DLC1: variants seen among roughly 807,000 people sequenced by gnomAD.
DLC1 encodes rho GTPase-activating protein 7.
DLC1 carries 54 observed loss-of-function variants against 140.3 expected under a neutral mutation model. The ratio of observed to expected loss-of-function variants is 0.38; its 90% CI spans 0.31 to 0.48. The LOEUF is 0.48. DLC1 is among the 20% of genes least tolerant of loss of function. DLC1 has a pLI of 0.96. For missense variants in DLC1, 2,536 were observed against 1,907.0 expected (o/e 1.33, Z -6.14); for synonymous variants, 986 against 728.1 (o/e 1.35, Z -5.70).
At chr8:13,587,660 G>A (rs1046001565) in intron 1 of DLC1, among the ~76,000 whole-genome samples, 17 of 148,344 alleles carry the variant, frequency 1.1e-4, no homozygotes, top group African/African-American at 4.0e-4. Flanking sequence ...TTATATAGGC[G>A]ATGTTAACTG....
intron 5 of DLC1, among the ~76,000 whole-genome samples, chr8:13,151,378 T>G (rs747705586): frequency 4.6e-5 from 7 of 152,158 alleles, no homozygotes; most frequent in Non-Finnish European, 8.8e-5. Context: ...ATATCACCGT[T>G]TTATGGATGA....
At chr8:13,197,702 C>G (rs1469739233) in intron 5 of DLC1, among the ~76,000 whole-genome samples, 1 of 151,696 alleles carries the variant, frequency 6.6e-6, no homozygotes, top group Non-Finnish European at 1.5e-5. Context: ...ATTTTTGTGA[C>G]TAACATTTCC....
At chr8:13,355,440 T>C (rs954884101) in intron 4 of DLC1, among the ~76,000 whole-genome samples, 2 of 152,300 alleles carry the variant, frequency 1.3e-5, no homozygotes, top group South Asian at 4.1e-4. Flanking sequence ...AATTTATTTC[T>C]CACAGTTCTG....
intron 2 of DLC1, among the ~76,000 whole-genome samples, chr8:13,403,951 A>G (rs1837415678): frequency 6.6e-6 from 1 of 151,528 alleles, no homozygotes; most frequent in Admixed American, 6.6e-5. Flanking sequence ...CTTAATGCAT[A>G]TTGTGAATCA....
chr8:13,122,346 G>T (rs974305320), intron 5 of DLC1, among the ~76,000 whole-genome samples: 3 of 152,108 alleles, frequency 2.0e-5, no homozygotes, highest in Non-Finnish European at 4.4e-5. Flanking sequence ...GACGTACCAA[G>T]CTCTCATACC....
chr8:13,100,686 C>G lies in DLC1; in HGVS notation c.1651G>C (p.Glu551Gln). Residue 551 changes from glutamate to glutamine, a missense_variant, in exon 9 of 18, where the codon GAA becomes CAA. Glu to Gln is a conservative substitution (Grantham distance 29, BLOSUM62 2). Transcript: ENST00000276297. ...QRDSKRWSRL[E>Q]EFDVFSPKQD... ...TTTGGAGAAAAGACATCAAACTCTT[C>G]AAGCCGGGACCACCTCTTGCTGTCC... 6.2e-7 allele frequency: 1 copy of G among 1,613,636 alleles called. No homozygotes were observed. The highest frequency in any genetic ancestry group is 2.2e-5 in the East Asian group (1 of 44,860).
At chr8:13,488,728 T>C (rs535092680) in intron 2 of DLC1, among the ~76,000 whole-genome samples, 1 of 152,322 alleles carries the variant, frequency 6.6e-6, no homozygotes, top group African/African-American at 2.4e-5. Flanking sequence ...AAGATATAAC[T>C]TTACTTGTAG....
intron 4 of DLC1, among the ~76,000 whole-genome samples, chr8:13,355,143 T>C (rs1335973226): frequency 6.6e-6 from 1 of 151,184 alleles, no homozygotes; most frequent in Admixed American, 6.6e-5. Context: ...ATAGTCTAAA[T>C]ATTACGATCA....
At chr8:13,142,978 G>A (rs976675060) in intron 5 of DLC1, among the ~76,000 whole-genome samples, 6 of 151,920 alleles carry the variant, frequency 3.9e-5, no homozygotes, top group African/African-American at 1.5e-4. Flanking sequence ...GAACACCAGA[G>A]GTTGCGGTGA....
At chr8:13,583,765 T>G (rs769464417) in intron 1 of DLC1, 1 of 152,248 alleles carries the variant, frequency 6.6e-6, no homozygotes, top group Non-Finnish European at 1.5e-5. Flanking sequence ...GTTCAATGTC[T>G]TTGGAGATGG....
intron 5 of DLC1, among the ~76,000 whole-genome samples, chr8:13,204,115 A>G (rs1382868999): frequency 6.6e-6 from 1 of 152,160 alleles, no homozygotes; most frequent in African/African-American, 2.4e-5. Context: ...CAGGGGGAAA[A>G]AAGACTGTTC....
At chr8:13,166,869 G>A (rs188389700) in intron 5 of DLC1, among the ~76,000 whole-genome samples, 12 of 152,294 alleles carry the variant, frequency 7.9e-5, no homozygotes, top group Admixed American at 2.6e-4. Flanking sequence ...TTTAGAGGAC[G>A]CTGGGAATTG....
intron 4 of DLC1, among the ~76,000 whole-genome samples, chr8:13,305,613 G>A (rs763472923): frequency 4.6e-5 from 7 of 152,166 alleles, no homozygotes; most frequent in Non-Finnish European, 8.8e-5. Flanking sequence ...AGAGACAGGC[G>A]GATCGTTGAG....
At chr8:13,438,036 T>TA (rs1003662433) in intron 2 of DLC1, among the ~76,000 whole-genome samples, 16 of 151,354 alleles carry the variant, frequency 1.1e-4, no homozygotes, top group Admixed American at 3.3e-4. Flanking sequence ...TTTTTTTTTT[T>TA]ACAGTACCAT....
chr8:13,252,846 T>G (rs776106470), intron 5 of DLC1, among the ~76,000 whole-genome samples: 2 of 152,052 alleles, frequency 1.3e-5, no homozygotes, highest in Non-Finnish European at 2.9e-5. Flanking sequence ...GGAAGAAGAG[T>G]GTCTTGACCT....
At chr8:13,544,239 C>A (rs556420314) in intron 1 of DLC1, among the ~76,000 whole-genome samples, 1 of 151,206 alleles carries the variant, frequency 6.6e-6, no homozygotes, top group Admixed American at 6.6e-5. Flanking sequence ...TAGGAAGTAA[C>A]TTACTAGATT....
chr8:13,416,885 AC>A (rs1310656245), intron 2 of DLC1, among the ~76,000 whole-genome samples: 7 of 151,722 alleles, frequency 4.6e-5, no homozygotes, highest in African/African-American at 1.7e-4. Context: ...GTGAGAAAAA[AC>A]TTTTTTTTTT....
chr8:13,553,856 TC>T (rs1010374224), intron 1 of DLC1, among the ~76,000 whole-genome samples: 10 of 152,154 alleles, frequency 6.6e-5, no homozygotes, highest in Non-Finnish European at 1.2e-4. Flanking sequence ...CTTATCTTAC[TC>T]GAGGACATTT....
intron 1 of DLC1, among the ~76,000 whole-genome samples, chr8:13,562,947 G>A (rs757552949): frequency 1.3e-5 from 2 of 151,934 alleles, no homozygotes; most frequent in Admixed American, 1.3e-4. Flanking sequence ...TGTAGAGTAT[G>A]TCAATGTGTT....
Sources: allele counts gnomAD v4.1 joint callset (sites outside exome capture counted in the v4.1 genomes callset), GRCh38; gene constraint gnomAD v4.1.1; transcripts MANE v1.5; gene names NCBI Gene and HGNC (gene_info 2026-07-23, HGNC 2026-07-21).